STARD13: variants seen among roughly 807,000 people sequenced by gnomAD.
STARD13 encodes the protein StAR related lipid transfer domain containing 13.
Under a neutral mutation model 106.4 loss-of-function variants are expected in STARD13, and 62 were observed. The ratio of observed to expected loss-of-function variants is 0.58; its 90% confidence interval spans 0.48 to 0.72. The LOEUF (loss-of-function observed/expected upper bound fraction) is 0.72, where lower values mean the gene tolerates loss of function less well. STARD13 is among the 30% of genes least tolerant of loss of function. The pLI, the probability that STARD13 is intolerant of heterozygous loss-of-function variation, is 0.00. For missense variants in STARD13, 1,387 were observed against 1,424.0 expected, an observed-to-expected ratio of 0.97 and a Z score of 0.42; for synonymous variants, 565 against 553.0, an observed-to-expected ratio of 1.02 and a Z score of -0.31.
chr13:33,263,343 G>C (rs1286316850), intron 1 of STARD13, among the ~76,000 whole-genome samples: 3 of 152,108 alleles, frequency 2.0e-5, no homozygotes, highest in African/African-American at 7.2e-5. Flanking sequence ...CTGCTGTAAA[G>C]GAGCCCCCTC....
the STARD13 span, among the ~76,000 whole-genome samples, chr13:33,432,655 T>C: frequency 2.6e-3 from 391 of 152,310 alleles, 1 homozygote; most frequent in Non-Finnish European, 3.6e-3. Flanking sequence ...ATGAAGATAA[T>C]GGGGTATGAA....
chr13:33,172,639 G>A (rs1281940108), intron 1 of STARD13, among the ~76,000 whole-genome samples: 1 of 152,152 alleles, frequency 6.6e-6, no homozygotes, highest in Non-Finnish European at 1.5e-5. Context: ...TGTTCTCTTG[G>A]CTAAGCATTT....
chr13:33,546,711 T>A, the STARD13 span, among the ~76,000 whole-genome samples: 1 of 152,008 alleles, frequency 6.6e-6, no homozygotes, highest in Non-Finnish European at 1.5e-5. Context: ...TGGCTCAGTC[T>A]CCACTTACTG....
At chr13:33,515,524 C>T in the STARD13 span, among the ~76,000 whole-genome samples, 1 of 152,140 alleles carries the variant, frequency 6.6e-6, no homozygotes, top group African/African-American at 2.4e-5. Context: ...AAATGAAGGA[C>T]AGGAAAGCCT....
intron 1 of STARD13, among the ~76,000 whole-genome samples, chr13:33,269,644 C>T (rs7319177): frequency 0.027 from 4,045 of 152,266 alleles, 92 homozygotes; most frequent in Non-Finnish European, 0.041. Context: ...TTGTCAGAGT[C>T]CCTCAGTCTA....
the STARD13 span, among the ~76,000 whole-genome samples, chr13:33,505,452 A>T: frequency 6.6e-6 from 1 of 152,192 alleles, no homozygotes; most frequent in African/African-American, 2.4e-5. Flanking sequence ...AGGACATTAA[A>T]TATTATAAGC....
intron 3 of STARD13, among the ~76,000 whole-genome samples, chr13:33,146,237 T>C (rs530251978): frequency 3.3e-4 from 50 of 152,206 alleles, no homozygotes; most frequent in Non-Finnish European, 7.4e-5. Context: ...GGCAGGAGAA[T>C]TGCTTGAACC....
intron 1 of STARD13, among the ~76,000 whole-genome samples, chr13:33,211,665 T>C (rs1453784285): frequency 1.3e-5 from 2 of 152,226 alleles, no homozygotes; most frequent in East Asian, 3.8e-4. Context: ...ACAGTTGTTC[T>C]ACTGTGTATT....
At chr13:33,509,836 A>G in the STARD13 span, among the ~76,000 whole-genome samples, 1 of 152,186 alleles carries the variant, frequency 6.6e-6, no homozygotes, top group African/African-American at 2.4e-5. Context: ...ACCCACACCC[A>G]CAGGAAGGAG....
chr13:33,512,900 A>G, the STARD13 span, among the ~76,000 whole-genome samples: 1 of 152,184 alleles, frequency 6.6e-6, no homozygotes, highest in Non-Finnish European at 1.5e-5. Flanking sequence ...AACCCTGTGC[A>G]TATCTTGATC....
intron 1 of STARD13, among the ~76,000 whole-genome samples, chr13:33,190,226 T>G (rs1173951829): frequency 6.6e-6 from 1 of 152,070 alleles, no homozygotes; most frequent in African/African-American, 2.4e-5. Context: ...AAGGGTCACT[T>G]AAGGCCAGGA....
the STARD13 span, among the ~76,000 whole-genome samples, chr13:33,363,255 G>A: frequency 6.6e-6 from 1 of 152,100 alleles, no homozygotes; most frequent in Non-Finnish European, 1.5e-5. Flanking sequence ...CCATGAACCA[G>A]ACTTTCAAAA....
chr13:33,242,627 C>T (rs541226072), intron 1 of STARD13, among the ~76,000 whole-genome samples: 4 of 152,252 alleles, frequency 2.6e-5, no homozygotes, highest in South Asian at 2.1e-4. Flanking sequence ...GGCGGCAGGG[C>T]CCTCTGCCTA....
chr13:33,203,431 G>C (rs1305355258), intron 1 of STARD13, among the ~76,000 whole-genome samples: 1 of 152,156 alleles, frequency 6.6e-6, no homozygotes, highest in African/African-American at 2.4e-5. Context: ...CATATATGAA[G>C]ATTAGCATAT....
At chr13:33,566,109 C>T in the STARD13 span, among the ~76,000 whole-genome samples, 1 of 148,296 alleles carries the variant, frequency 6.7e-6, no homozygotes, top group Non-Finnish European at 1.5e-5. Context: ...CTCACTTCAT[C>T]TCATTACATC....
chr13:33,407,891 C>T, the STARD13 span, among the ~76,000 whole-genome samples: 1 of 152,216 alleles, frequency 6.6e-6, no homozygotes, highest in African/African-American at 2.4e-5. Flanking sequence ...TACCCCTATT[C>T]TCACAGAGTC....
the STARD13 span, among the ~76,000 whole-genome samples, chr13:33,638,719 T>C: frequency 2.0e-5 from 3 of 152,336 alleles, no homozygotes; most frequent in South Asian, 6.2e-4. Context: ...GAAGGCATAA[T>C]GAGGCATGTC....
chr13:33,475,138 A>G, the STARD13 span, among the ~76,000 whole-genome samples: 1 of 152,290 alleles, frequency 6.6e-6, no homozygotes, highest in East Asian at 1.9e-4. Context: ...GGATTATGAT[A>G]TGGGGAAACA....
chr13:33,635,350 G>A, the STARD13 span, among the ~76,000 whole-genome samples: 1 of 152,306 alleles, frequency 6.6e-6, no homozygotes, highest in Admixed American at 6.5e-5. Context: ...ACAGAGTTGT[G>A]AGAAAATGGA....
Sources: gnomAD v4.1 joint callset for allele counts (sites outside exome capture counted in the v4.1 genomes callset) on GRCh38, gnomAD v4.1.1 for gene constraint, MANE v1.5 for transcripts, NCBI Gene and HGNC (gene_info 2026-07-23, HGNC 2026-07-21) for gene names.